The following SCARA5 variants were observed in gnomAD, a reference collection of about 807,000 sequenced individuals.
SCARA5 encodes scavenger receptor class A, member 5 (putative).
In SCARA5, 45 loss-of-function variants were observed where a neutral mutation model predicts 46.3. That is an observed-to-expected ratio of 0.97 (90% CI 0.76 to 1.24). The LOEUF is 1.24. SCARA5 is among the 50% of genes most tolerant of loss of function. The pLI, the probability that SCARA5 is intolerant of heterozygous loss-of-function variation, is 0.00. For synonymous variants in SCARA5, 333 were observed against 306.5 expected (o/e 1.09, Z -0.90); for missense variants, 680 against 689.0 (o/e 0.99, Z 0.15).
At chr8:27,895,529 T>C (rs926598632) in intron 7 of SCARA5, among the ~76,000 whole-genome samples, 1 of 152,264 alleles carries the variant, frequency 6.6e-6, no homozygotes, top group African/African-American at 2.4e-5. Context: ...CAAAGCACTT[T>C]TATTAGCAGT....
At chr8:27,984,287 T>C (rs191091242) in intron 2 of SCARA5, among the ~76,000 whole-genome samples, 195 of 152,266 alleles carry the variant, frequency 1.3e-3, no homozygotes, top group African/African-American at 4.5e-3. Flanking sequence ...AAAAATCAAA[T>C]TGGAAGCCCA....
chr8:27,950,162 G>T (rs1017958847), intron 3 of SCARA5, among the ~76,000 whole-genome samples: 20 of 152,050 alleles, frequency 1.3e-4, no homozygotes, highest in Non-Finnish European at 7.4e-5. Context: ...GGAGGGGAAG[G>T]GGTCTAGCAC....
chr8:27,899,608 C>A (rs1340218638), intron 7 of SCARA5, among the ~76,000 whole-genome samples: 1 of 152,220 alleles, frequency 6.6e-6, no homozygotes, highest in African/African-American at 2.4e-5. Context: ...CCATTACAAT[C>A]CTATGGATGG....
At chr8:27,890,324 T>C (rs762471101) in intron 7 of SCARA5, among the ~76,000 whole-genome samples, 5 of 152,222 alleles carry the variant, frequency 3.3e-5, no homozygotes, top group African/African-American at 4.8e-5. Flanking sequence ...AGAAGACAGT[T>C]TGAGGTTAAA....
In SCARA5 at chr8:27,921,913, T is replaced by G; in HGVS notation, c.574A>C (p.Ser192Arg). The G allele has an allele frequency of 6.5e-7, 1 of 1,527,178 alleles. No homozygotes were observed. The highest frequency in any genetic ancestry group is 8.7e-7 in the Non-Finnish European group (1 of 1,145,196). 94.6% of individuals were successfully genotyped at this position (1,527,178 alleles called of 1,614,324 possible). ...QLELYQLQVE[S>R]NSSQLLLRRH... ...CTCAGCAGCAGCTGGCTACTGTTGC[T>G]CTCCACCTGCAGCTGGTAGAGCTCC... The change falls in exon 4 of 9, where the codon AGC becomes CGC. Residue 192 changes from serine to arginine, a missense_variant. This residue lies in a region of SCARA5 where 438 missense variants were observed against 384.5 expected (regional missense o/e 1.14). Transcript: ENST00000354914.
chr8:27,918,418 T>C (rs1026545674), intron 4 of SCARA5, among the ~76,000 whole-genome samples: 2 of 151,622 alleles, frequency 1.3e-5, no homozygotes, highest in African/African-American at 2.4e-5. Context: ...CTCTGATAAA[T>C]GCAGAAACTC....
At chr8:27,907,572 C>CTTTTTTTTTTTTTTTTTTTTTTTTTTT (rs144977060) in intron 5 of SCARA5, among the ~76,000 whole-genome samples, 1 of 97,276 alleles carries the variant, frequency 1.0e-5, no homozygotes, top group African/African-American at 3.9e-5. Context: ...TCAGCAAACA[C>CTTTTTTTTTTTTTTTTTTTTTTTTTTT]TTTTTTTTTT....
intron 4 of SCARA5, among the ~76,000 whole-genome samples, chr8:27,915,558 A>T (rs747717747): frequency 6.6e-6 from 1 of 152,260 alleles, no homozygotes; most frequent in Non-Finnish European, 1.5e-5. Flanking sequence ...TCCCAGCATT[A>T]GCCTGGAATC....
chr8:27,909,994 C>A (rs1003507204), intron 4 of SCARA5, among the ~76,000 whole-genome samples: 2 of 152,108 alleles, frequency 1.3e-5, no homozygotes, highest in African/African-American at 4.8e-5. Flanking sequence ...GAGAGGGACA[C>A]ACACACACTG....
chr8:27,967,930 G>T (rs1420819350), intron 2 of SCARA5, among the ~76,000 whole-genome samples: 2 of 152,074 alleles, frequency 1.3e-5, no homozygotes, highest in Non-Finnish European at 2.9e-5. Flanking sequence ...AAGGAAAAAG[G>T]AAAGGAGAGG....
chr8:27,942,778 G>A (rs1211886656), intron 3 of SCARA5, among the ~76,000 whole-genome samples: 4 of 152,154 alleles, frequency 2.6e-5, no homozygotes, highest in Non-Finnish European at 5.9e-5. Flanking sequence ...GCCCTTTGCT[G>A]CTATCTCAAA....
intron 8 of SCARA5, among the ~76,000 whole-genome samples, chr8:27,873,619 C>T (rs1404090637): frequency 1.3e-5 from 2 of 151,288 alleles, no homozygotes; most frequent in South Asian, 2.1e-4. Flanking sequence ...TATAAAACGG[C>T]CCCACCCCTA....
intron 8 of SCARA5, among the ~76,000 whole-genome samples, chr8:27,877,318 T>C (rs1394644032): frequency 6.6e-6 from 1 of 152,078 alleles, no homozygotes; most frequent in East Asian, 1.9e-4. Context: ...GGCAAAAAAA[T>C]AGGGCATTCG....
chr8:27,895,436 ATGT>A (rs1291200653), intron 7 of SCARA5, among the ~76,000 whole-genome samples: 1 of 152,192 alleles, frequency 6.6e-6, no homozygotes, highest in Non-Finnish European at 1.5e-5. Context: ...CGCTTTCAAA[ATGT>A]TGTCTGGCCT....
In SCARA5 at chr8:27,875,054, G is replaced by A. The variant is rs547469471; in HGVS notation, c.1352-2984C>T. On this transcript the variant is annotated intron_variant, in intron 8 of 8. Coordinates refer to ENST00000354914, the MANE Select transcript of SCARA5 (RefSeq NM_173833.6). Reference sequence around the variant, plus strand: ...GAAATGTTATGGTGCCAGACCCCTGGGAGAGCTGTCAGGGCTTGGAGACAG... The same window carrying A: ...GAAATGTTATGGTGCCAGACCCCTGAGAGAGCTGTCAGGGCTTGGAGACAG... Among the ~76,000 whole-genome samples, 5 of 152,292 alleles carry A rather than the reference G, an allele frequency of 3.3e-5. No individual in the cohort carries two copies. The South Asian group carries it at 8.3e-4, about 25-fold the overall frequency.
chr8:27,931,295 C>T (rs1001352077), intron 3 of SCARA5, among the ~76,000 whole-genome samples: 27 of 152,320 alleles, frequency 1.8e-4, no homozygotes, highest in Middle Eastern at 6.8e-3. Flanking sequence ...TCTTCTGAAA[C>T]TGGTGATGAA....
intron 7 of SCARA5, among the ~76,000 whole-genome samples, chr8:27,880,405 A>C (rs1294725057): frequency 6.6e-6 from 1 of 151,852 alleles, no homozygotes; most frequent in Non-Finnish European, 1.5e-5. Flanking sequence ...AAAAAAAAAA[A>C]AACCTATCAA....
Position 27,871,490 on chromosome 8 carries a change from G to A in SCARA5, c.*444C>T. On this transcript the variant is annotated 3_prime_UTR_variant, in exon 9 of 9. Coordinates refer to ENST00000354914, the MANE Select transcript of SCARA5 (RefSeq NM_173833.6). Reference sequence around the variant, plus strand: ...GCCTCTTGCTGGGGAGGAAGATGTAGAAACTCTTGGACTAATGGAGGTTTG... The same window carrying A: ...GCCTCTTGCTGGGGAGGAAGATGTAAAAACTCTTGGACTAATGGAGGTTTG... 1 of 991,878 alleles carries A rather than the reference G, an allele frequency of 1.0e-6. No homozygotes were observed. Among genetic ancestry groups the A allele is most frequent in the Non-Finnish European group, 1.2e-6 (1 of 833,872 alleles). 61.4% of individuals were successfully genotyped at this position (991,878 alleles called of 1,614,324 possible).
intron 7 of SCARA5, among the ~76,000 whole-genome samples, chr8:27,880,980 C>G (rs1164903282): frequency 6.6e-6 from 1 of 151,282 alleles, no homozygotes; most frequent in Non-Finnish European, 1.5e-5. Context: ...AAATGCAAAT[C>G]AAAACCACGA....
Sources: gnomAD v4.1 joint callset for allele counts (sites outside exome capture counted in the v4.1 genomes callset) on GRCh38, gnomAD v4.1.1 for gene constraint, gnomAD v4.1.1 regional missense constraint, MANE v1.5 for transcripts, NCBI Gene and HGNC (gene_info 2026-07-23, HGNC 2026-07-21) for gene names.